ZNF236: variants seen among roughly 807,000 people sequenced by gnomAD.
ZNF236 encodes the protein regulated by glucose.
A neutral mutation model predicts 191.2 loss-of-function variants in ZNF236; 50 were observed. The observed-to-expected ratio is 0.26, with a 90% CI of 0.21 to 0.33. The LOEUF is 0.33. Among genes scored for constraint, ZNF236 ranks in the 10% least tolerant of loss-of-function variants. The pLI, the probability that ZNF236 is intolerant of heterozygous loss-of-function variation, is 1.00. For synonymous variants in ZNF236, 907 were observed against 928.8 expected (o/e 0.98, Z 0.43); for missense variants, 1,754 against 2,374.5 (o/e 0.74, Z 5.43).
intron 13 of ZNF236, 129 bp downstream of exon 13, chr18:76,905,544 A>AAAC: frequency 4.8e-5 from 1 of 20,970 alleles, no homozygotes; most frequent in Non-Finnish European, 7.3e-5. Flanking sequence ...TATGGGCTCA[A>AAAC]GAAAAAAAAA....
At chr18:76,959,644 C>G (rs117376363) in intron 28 of ZNF236, 43 bp from the exon 29 acceptor site, 30,803 of 1,560,640 alleles carry the variant, frequency 0.02, 372 homozygotes, top group Middle Eastern at 0.032. Flanking sequence ...GTCTCGAAAG[C>G]TGTTTTGATC....
rs3841255 is a variant in ZNF236 at position 76,972,728 on chromosome 18, A to AT, written c.*4397dup. Among the ~76,000 whole-genome samples the AT allele has an allele frequency of 0.054, 8,243 of 152,116 alleles. 276 individuals are homozygous for AT. Among genetic ancestry groups the AT allele is most frequent in the Middle Eastern group, 0.14 (40 of 292 alleles). ...CCACTAAAGAAAATTTTTAAAGTTAATTTTTTTTAATTACAGAAGAATTCT... is the reference window on the plus strand; with the variant it reads ...CCACTAAAGAAAATTTTTAAAGTTAATTTTTTTTTAATTACAGAAGAATTCT... On this transcript the variant is annotated 3_prime_UTR_variant, in exon 31 of 31. Coordinates refer to ENST00000320610, the MANE Select transcript of ZNF236 (RefSeq NM_001306089.2).
At chr18:76,944,447 A>T (rs470198) in intron 26 of ZNF236, among the ~76,000 whole-genome samples, 75,250 of 152,154 alleles carry the variant, frequency 0.49, 20,479 homozygotes, top group Non-Finnish European at 0.61. Context: ...ATCGTTGAGT[A>T]TAGCTTTTAT....
rs538989513 is a variant in ZNF236, at chr18:76,895,128, C to G, written c.1533C>G (p.Pro511=). The G allele has an allele frequency of 1.2e-5, 19 of 1,611,268 alleles. No individual in the cohort carries two copies. The South Asian group carries it at 1.9e-4, about 16-fold the overall frequency. The part of the protein sequence containing the change: ...RHIRIHTHEK[P]FKCPQCFRAF... ...TCCGCATCCACACCCACGAGAAGCC[C>G]TTCAAGTGCCCGCAGTGCTTCCGCG... The change falls in exon 10 of 31, where the codon CCC becomes CCG. Residue 511 remains proline, a synonymous_variant. Transcript: ENST00000320610.
chr18:76,908,722 C>G, intron 14 of ZNF236, 149 bp downstream of exon 14: 2 of 967,962 alleles, frequency 2.1e-6, no homozygotes, highest in South Asian at 4.2e-5. Context: ...TATTTGATAT[C>G]ATTCCATGTC....
intron 1 of ZNF236, among the ~76,000 whole-genome samples, chr18:76,834,174 C>G (rs966730888): frequency 6.6e-6 from 1 of 152,084 alleles, no homozygotes; most frequent in Non-Finnish European, 1.5e-5. Flanking sequence ...ACTGCAGGCT[C>G]TGTAGTAATG....
At chr18:76,959,925 T>A in intron 29 of ZNF236, 109 bp downstream of exon 29, 5 of 1,298,520 alleles carry the variant, frequency 3.9e-6, no homozygotes, top group Non-Finnish European at 4.2e-6. Context: ...AATGCTTTAT[T>A]TATAAAGCAA....
chr18:76,896,639 AAC>A (rs1599373882), intron 10 of ZNF236, among the ~76,000 whole-genome samples: 2 of 150,602 alleles, frequency 1.3e-5, no homozygotes, highest in African/African-American at 4.9e-5. Flanking sequence ...CACAGTGCCA[AAC>A]ACAGTACTGC....
At chr18:76,918,833 G>A (rs554005535) in intron 19 of ZNF236, among the ~76,000 whole-genome samples, 2 of 152,248 alleles carry the variant, frequency 1.3e-5, no homozygotes, top group Admixed American at 1.3e-4. Context: ...GGGATTACAG[G>A]TGTGAGCCAC....
intron 9 of ZNF236, among the ~76,000 whole-genome samples, chr18:76,894,295 C>T (rs531405867): frequency 5.3e-5 from 8 of 152,204 alleles, no homozygotes; most frequent in South Asian, 4.1e-4. Context: ...GAGGGAGACA[C>T]GGGTCATCCC....
chr18:76,907,619 C>T (rs775941579), intron 13 of ZNF236, among the ~76,000 whole-genome samples: 7 of 152,190 alleles, frequency 4.6e-5, no homozygotes, highest in Non-Finnish European at 7.4e-5. Context: ...GTGAGCTGCG[C>T]GCCTGGCCGG....
chr18:76,822,928 G>A (rs1360209143), intron 1 of ZNF236, among the ~76,000 whole-genome samples: 2 of 148,324 alleles, frequency 1.3e-5, no homozygotes, highest in Non-Finnish European at 3.0e-5. Context: ...CGGGAGGCGG[G>A]TGAGGGAGCA....
intron 9 of ZNF236, among the ~76,000 whole-genome samples, chr18:76,883,628 A>C (rs1050868775): frequency 6.6e-6 from 1 of 152,072 alleles, no homozygotes; most frequent in Non-Finnish European, 1.5e-5. Flanking sequence ...AGGTCTTGCT[A>C]TGTTGCCCAG....
At position 76,964,802 on chromosome 18, in the gene ZNF236, A is replaced by G. The variant is rs149533354; in HGVS notation, c.5420-3413A>G. ...ATTTTCCTGTTGGACAACGCCTTTT[A>G]TCATTATATAATGCCCCTCTGTCTT... On this transcript the variant is annotated intron_variant, in intron 30 of 30. Coordinates refer to ENST00000320610, the MANE Select transcript of ZNF236 (RefSeq NM_001306089.2). Among the ~76,000 whole-genome samples, 60 of 152,240 alleles carry G rather than the reference A, an allele frequency of 3.9e-4. No individual in the cohort carries two copies. In the East Asian group the frequency reaches 0.011, roughly 28 times the overall value.
At chr18:76,916,284 T>C (rs1214420082) in intron 19 of ZNF236, among the ~76,000 whole-genome samples, 1 of 152,202 alleles carries the variant, frequency 6.6e-6, no homozygotes, top group East Asian at 1.9e-4. Context: ...GATGACTCCG[T>C]GGAATTCCAT....
chr18:76,893,805 G>T (rs75568611), intron 9 of ZNF236, among the ~76,000 whole-genome samples: 1 of 152,238 alleles, frequency 6.6e-6, no homozygotes, highest in East Asian at 1.9e-4. Flanking sequence ...GAGCCACTGC[G>T]CCCGGCCCAC....
intron 25 of ZNF236, chr18:76,936,481 G>A (rs545584479): frequency 2.2e-6 from 1 of 450,182 alleles, no homozygotes; most frequent in African/African-American, 2.0e-5. Flanking sequence ...GTTTCTCTTA[G>A]TATCGGCTGC....
chr18:76,961,523 G>A (rs185590264), intron 30 of ZNF236, among the ~76,000 whole-genome samples: 24 of 152,142 alleles, frequency 1.6e-4, no homozygotes, highest in Admixed American at 1.2e-3. Flanking sequence ...GTGTGCAAGT[G>A]TCTTTTTCAT....
chr18:76,943,165 A>C (rs1968179600), intron 26 of ZNF236, among the ~76,000 whole-genome samples: 1 of 151,876 alleles, frequency 6.6e-6, no homozygotes, highest in Admixed American at 6.6e-5. Flanking sequence ...TGAGTTCATA[A>C]TAGCAAAAAA....
Sources: allele counts gnomAD v4.1 joint callset (sites outside exome capture counted in the v4.1 genomes callset), GRCh38; gene constraint gnomAD v4.1.1; transcripts MANE v1.5; gene names NCBI Gene and HGNC (gene_info 2026-07-23, HGNC 2026-07-21).